Variants in DPP10 observed in about 807,000 individuals in gnomAD.
DPP10 encodes the protein dipeptidyl peptidase like 10, also known as inactive dipeptidyl peptidase 10.
DPP10 carries 33 observed loss-of-function variants against 120.9 expected under a neutral mutation model. That is an observed-to-expected ratio of 0.27 (90% CI 0.21 to 0.37). The LOEUF (loss-of-function observed/expected upper bound fraction) is 0.37. Among genes scored for constraint, DPP10 ranks in the 10% least tolerant of loss-of-function variants. The probability of loss-of-function intolerance (pLI) is 1.00; values close to 1 mark genes in which losing one functional copy is unlikely to be tolerated. For synonymous variants in DPP10, 337 were observed against 326.1 expected (o/e 1.03, Z -0.36); for missense variants, 816 against 942.8 (o/e 0.87, Z 1.76).
intron 2 of DPP10, among the ~76,000 whole-genome samples, chr2:115,332,853 T>C (rs2062840547): frequency 6.6e-6 from 1 of 152,180 alleles, no homozygotes; most frequent in African/African-American, 2.4e-5. Flanking sequence ...AAGTATGTGG[T>C]CAATTTTGGA....
chr2:115,098,943 A>C (rs1408368763), intron 1 of DPP10, among the ~76,000 whole-genome samples: 1 of 152,002 alleles, frequency 6.6e-6, no homozygotes, highest in Non-Finnish European at 1.5e-5. Context: ...TCTCTTGTCC[A>C]GTTACCACAA....
chr2:115,554,950 C>A lies in DPP10; in HGVS notation c.441+28978C>A, dbSNP rs570491076. ...CTGATGTCCTTTCCCATAAATGTTC[C>A]CTTCTAATACAGGGGCAGCTCTAAA... is the stretch of plus-strand genomic sequence containing the variant. On this transcript the variant is annotated intron_variant, in intron 5 of 25. Transcript: ENST00000410059. Among the ~76,000 whole-genome samples the A allele has an allele frequency of 7.2e-5, 11 of 152,174 alleles. No individual in the cohort carries two copies. The East Asian group carries it at 1.7e-3, about 24-fold the overall frequency.
At chr2:114,819,967 T>A (rs1265484402) in intron 1 of DPP10, among the ~76,000 whole-genome samples, 1 of 152,150 alleles carries the variant, frequency 6.6e-6, no homozygotes, top group Non-Finnish European at 1.5e-5. Flanking sequence ...TGTTAATGTA[T>A]TCAATAATCT....
At chr2:115,557,777 A>G (rs1321802496) in intron 5 of DPP10, among the ~76,000 whole-genome samples, 1 of 152,174 alleles carries the variant, frequency 6.6e-6, no homozygotes, top group Non-Finnish European at 1.5e-5. Flanking sequence ...GCCTACTCCT[A>G]TTTGTCACTT....
At chr2:114,901,187 TTTTG>T (rs1331882360) in intron 1 of DPP10, among the ~76,000 whole-genome samples, 3 of 152,148 alleles carry the variant, frequency 2.0e-5, no homozygotes, top group South Asian at 2.1e-4. Flanking sequence ...CGTTTTGTTT[TTTTG>T]TTTGTTTGTT....
intron 1 of DPP10, among the ~76,000 whole-genome samples, chr2:114,965,080 G>A (rs889990148): frequency 2.6e-5 from 4 of 152,104 alleles, no homozygotes; most frequent in African/African-American, 9.7e-5. Flanking sequence ...GAAAACTGGA[G>A]AGAAGAAATT....
intron 3 of DPP10, among the ~76,000 whole-genome samples, chr2:115,486,851 T>G (rs2075808376): frequency 6.6e-6 from 1 of 152,102 alleles, no homozygotes; most frequent in Admixed American, 6.6e-5. Context: ...AAAACATCAT[T>G]TAGTTGAGTG....
chr2:115,400,880 GT>G (rs1379847707), intron 3 of DPP10, among the ~76,000 whole-genome samples: 3 of 152,212 alleles, frequency 2.0e-5, no homozygotes, highest in Non-Finnish European at 4.4e-5. Context: ...AAAACCAACA[GT>G]TTCGAGGCTA....
intron 1 of DPP10, among the ~76,000 whole-genome samples, chr2:115,048,848 T>C (rs1705260337): frequency 6.6e-6 from 1 of 152,108 alleles, no homozygotes; most frequent in Non-Finnish European, 1.5e-5. Context: ...CAAATTTGCT[T>C]GCATAATTTC....
intron 1 of DPP10, among the ~76,000 whole-genome samples, chr2:114,852,585 A>T (rs1264631782): frequency 6.6e-6 from 1 of 152,124 alleles, no homozygotes; most frequent in Non-Finnish European, 1.5e-5. Context: ...ATACCATTTC[A>T]TATCAGAGAC....
At chr2:114,811,260 T>A (rs1293975182) in intron 1 of DPP10, among the ~76,000 whole-genome samples, 1 of 152,184 alleles carries the variant, frequency 6.6e-6, no homozygotes, top group East Asian at 1.9e-4. Flanking sequence ...GCTTAGTCAA[T>A]GAATGGCAAC....
At chr2:115,599,095 A>G (rs891057213) in intron 5 of DPP10, among the ~76,000 whole-genome samples, 3 of 152,160 alleles carry the variant, frequency 2.0e-5, no homozygotes, top group South Asian at 2.1e-4. Flanking sequence ...TTCACTGAGT[A>G]GTTTAAAATT....
At chr2:114,584,599 T>C (rs1203124723) in intron 1 of DPP10, among the ~76,000 whole-genome samples, 2 of 132,748 alleles carry the variant, frequency 1.5e-5, no homozygotes, top group Admixed American at 9.1e-5. Context: ...CCTGTGTCCA[T>C]GTGTTCTCAT....
At chr2:114,794,806 T>C (rs1370452346) in intron 1 of DPP10, among the ~76,000 whole-genome samples, 1 of 152,202 alleles carries the variant, frequency 6.6e-6, no homozygotes, top group Non-Finnish European at 1.5e-5. Flanking sequence ...TTCTCAGTTC[T>C]GTGTCAAAAA....
At position 114,643,881 on chromosome 2, in the gene DPP10, A is replaced by T. The variant is rs559773379; in HGVS notation, c.60+201043A>T. Reference sequence around the variant, plus strand: ...TTAGTGTGTGTTTGTGTGTGTGTGTATGTGTGTGTGTGTATGTGTGTATAT... The same window carrying T: ...TTAGTGTGTGTTTGTGTGTGTGTGTTTGTGTGTGTGTGTATGTGTGTATAT... On this transcript the variant is annotated intron_variant, in intron 1 of 25. Coordinates refer to ENST00000410059, the MANE Select transcript of DPP10 (RefSeq NM_020868.6). Among the ~76,000 whole-genome samples the T allele has an allele frequency of 1.3e-4, 19 of 143,974 alleles. 1 individual carries two copies. Among genetic ancestry groups the T allele is most frequent in the African/African-American group, 4.4e-4 (17 of 38,620 alleles). The allele number at this position is 143,974 out of a possible 152,430, so 94.5% of individuals were successfully genotyped here.
At chr2:115,444,546 A>G (rs2072389041) in intron 3 of DPP10, among the ~76,000 whole-genome samples, 4 of 152,174 alleles carry the variant, frequency 2.6e-5, no homozygotes, top group Admixed American at 1.3e-4. Context: ...TTACTCATCT[A>G]TTATATTTCA....
At chr2:115,594,516 A>G (rs894160910) in intron 5 of DPP10, among the ~76,000 whole-genome samples, 1 of 152,196 alleles carries the variant, frequency 6.6e-6, no homozygotes, top group Admixed American at 6.5e-5. Flanking sequence ...GTCCCATGCA[A>G]TTAACTCCTG....
chr2:115,275,420 G>A (rs1018574467), intron 1 of DPP10, among the ~76,000 whole-genome samples: 12 of 152,056 alleles, frequency 7.9e-5, no homozygotes, highest in African/African-American at 2.9e-4. Flanking sequence ...CATGATTAGG[G>A]TGCATAATCT....
intron 1 of DPP10, among the ~76,000 whole-genome samples, chr2:115,110,592 A>G (rs987973798): frequency 1.3e-5 from 2 of 152,076 alleles, no homozygotes; most frequent in African/African-American, 4.8e-5. Context: ...TTTTTAAGTT[A>G]TATTTTAAAT....
Sources: gnomAD v4.1 joint callset for allele counts (sites outside exome capture counted in the v4.1 genomes callset) on GRCh38, gnomAD v4.1.1 for gene constraint, MANE v1.5 for transcripts, NCBI Gene and HGNC (gene_info 2026-07-23, HGNC 2026-07-21) for gene names.